SLC10A7: variants seen among roughly 807,000 people sequenced by gnomAD.
The protein encoded by SLC10A7 is sodium/bile acid cotransporter 7.
SLC10A7 carries 29 observed loss-of-function variants against 43.2 expected under a neutral mutation model. That is an observed-to-expected ratio of 0.67 (90% CI 0.50 to 0.92). The LOEUF (loss-of-function observed/expected upper bound fraction) is 0.92. SLC10A7 is among the 40% of genes least tolerant of loss of function. SLC10A7 has a pLI of 0.00. For missense variants in SLC10A7, 295 were observed against 403.2 expected, an observed-to-expected ratio of 0.73 and a Z score of 2.30; for synonymous variants, 152 against 144.8, an observed-to-expected ratio of 1.05 and a Z score of -0.35.
intron 10 of SLC10A7, among the ~76,000 whole-genome samples, chr4:146,263,768 C>T (rs867816700): frequency 1.8e-4 from 27 of 152,260 alleles, no homozygotes; most frequent in African/African-American, 6.3e-4. Flanking sequence ...GTTTATAAAA[C>T]ATTAATCAAA....
chr4:146,382,675 C>T lies in SLC10A7; in HGVS notation c.436-56679G>A, dbSNP rs1345081976. ...ACTGAGCAGTTCTAAGCATGAAGGG[C>T]TTTTTAATATAAATAATGTCCTCTT... On this transcript the variant is annotated intron_variant, in intron 5 of 11. Coordinates refer to ENST00000335472, the MANE Select transcript of SLC10A7 (RefSeq NM_001029998.6). Among the ~76,000 whole-genome samples, 5 of 152,082 alleles carry T rather than the reference C, an allele frequency of 3.3e-5. No homozygotes were observed. The East Asian group carries it at 9.6e-4, about 29-fold the overall frequency.
intron 5 of SLC10A7, among the ~76,000 whole-genome samples, chr4:146,428,772 T>A (rs1390836616): frequency 6.6e-6 from 1 of 152,100 alleles, no homozygotes; most frequent in Non-Finnish European, 1.5e-5. Context: ...AACTTTAATT[T>A]AAAAAAATAC....
chr4:146,508,823 A>G (rs559007774), intron 3 of SLC10A7, among the ~76,000 whole-genome samples: 28 of 152,234 alleles, frequency 1.8e-4, no homozygotes, highest in African/African-American at 6.3e-4. Context: ...TCTCATTCCA[A>G]TCCCTCCAGT....
chr4:146,480,611 ACCAGCC>A (rs1734387762), intron 4 of SLC10A7, among the ~76,000 whole-genome samples: 1 of 152,118 alleles, frequency 6.6e-6, no homozygotes, highest in Non-Finnish European at 1.5e-5. Flanking sequence ...GGTATATAAT[ACCAGCC>A]TTAGTATATA....
intron 10 of SLC10A7, among the ~76,000 whole-genome samples, chr4:146,260,969 C>G (rs1354364966): frequency 6.6e-6 from 1 of 152,150 alleles, no homozygotes; most frequent in Non-Finnish European, 1.5e-5. Context: ...GGCAAGGAAG[C>G]CATGGATTCA....
At chr4:146,428,524 C>G (rs1729536318) in intron 5 of SLC10A7, among the ~76,000 whole-genome samples, 1 of 151,292 alleles carries the variant, frequency 6.6e-6, no homozygotes, top group Non-Finnish European at 1.5e-5. Flanking sequence ...TTCAAGTTAT[C>G]TGGTTTGTCA....
At chr4:146,396,133 G>A (rs890803648) in intron 5 of SLC10A7, among the ~76,000 whole-genome samples, 3 of 152,120 alleles carry the variant, frequency 2.0e-5, no homozygotes, top group Non-Finnish European at 2.9e-5. Context: ...GATTGATAAG[G>A]TAACTAGATT....
chr4:146,416,981 T>C (rs1257258520), intron 5 of SLC10A7, among the ~76,000 whole-genome samples: 2 of 152,166 alleles, frequency 1.3e-5, no homozygotes, highest in Non-Finnish European at 2.9e-5. Context: ...CACCTTTCAA[T>C]AAAATGCAAC....
chr4:146,341,533 A>T (rs1224768568), intron 5 of SLC10A7, among the ~76,000 whole-genome samples: 4 of 151,928 alleles, frequency 2.6e-5, no homozygotes, highest in African/African-American at 9.6e-5. Context: ...AATAGGATAA[A>T]ATTTCACCAT....
chr4:146,479,244 T>C (rs1044935513), intron 4 of SLC10A7, among the ~76,000 whole-genome samples: 1 of 152,162 alleles, frequency 6.6e-6, no homozygotes, highest in Non-Finnish European at 1.5e-5. Context: ...TAAGAGAAAT[T>C]GGGCATTTTA....
At chr4:146,323,495 AT>A (rs1732882611) in intron 6 of SLC10A7, among the ~76,000 whole-genome samples, 1 of 152,068 alleles carries the variant, frequency 6.6e-6, no homozygotes, top group Non-Finnish European at 1.5e-5. Flanking sequence ...ACCTTTCCCC[AT>A]TTCTTGTTTT....
At chr4:146,303,978 C>T (rs1731347622) in intron 7 of SLC10A7, among the ~76,000 whole-genome samples, 1 of 151,468 alleles carries the variant, frequency 6.6e-6, no homozygotes, top group South Asian at 2.1e-4. Context: ...TCTAGTTGCT[C>T]TTAATGTACT....
At chr4:146,332,770 A>G (rs1194720727) in intron 5 of SLC10A7, among the ~76,000 whole-genome samples, 2 of 152,206 alleles carry the variant, frequency 1.3e-5, no homozygotes, top group African/African-American at 2.4e-5. Flanking sequence ...GAAAACTTTT[A>G]GTAATAATTT....
At chr4:146,415,882 AG>A (rs1728526038) in intron 5 of SLC10A7, among the ~76,000 whole-genome samples, 1 of 152,198 alleles carries the variant, frequency 6.6e-6, no homozygotes, top group African/African-American at 2.4e-5. Flanking sequence ...ATTGCGAATT[AG>A]TTAGGTACAC....
intron 5 of SLC10A7, among the ~76,000 whole-genome samples, chr4:146,376,704 C>CTT (rs1560849233): frequency 6.6e-6 from 1 of 152,126 alleles, no homozygotes; most frequent in African/African-American, 2.4e-5. Context: ...AACATAAATT[C>CTT]AATTTCTTCA....
chr4:146,331,680 C>T (rs2149714157), intron 5 of SLC10A7, among the ~76,000 whole-genome samples: 1 of 152,200 alleles, frequency 6.6e-6, no homozygotes, highest in South Asian at 2.1e-4. Context: ...TTTGACAACT[C>T]CCTTCTTCTG....
chr4:146,474,079 G>C (rs1017015922), intron 4 of SLC10A7, among the ~76,000 whole-genome samples: 26 of 150,986 alleles, frequency 1.7e-4, no homozygotes, highest in Non-Finnish European at 1.5e-5. Flanking sequence ...TCCTCCTTAT[G>C]TTGAAGAAAG....
chr4:146,326,686 A>G (rs1329493097), intron 5 of SLC10A7, among the ~76,000 whole-genome samples: 2 of 152,178 alleles, frequency 1.3e-5, no homozygotes, highest in Non-Finnish European at 2.9e-5. Context: ...GGTTTCTTGA[A>G]GGCAAATCTT....
At chr4:146,461,661 T>C (rs1159964415) in intron 4 of SLC10A7, among the ~76,000 whole-genome samples, 3 of 151,908 alleles carry the variant, frequency 2.0e-5, no homozygotes, top group Non-Finnish European at 4.4e-5. Context: ...TACAGTACTT[T>C]AAACACCTTG....
Sources: allele counts gnomAD v4.1 joint callset (sites outside exome capture counted in the v4.1 genomes callset), GRCh38; gene constraint gnomAD v4.1.1; transcripts MANE v1.5; gene names NCBI Gene and HGNC (gene_info 2026-07-23, HGNC 2026-07-21).